The following SLC22A2 variants were observed in gnomAD, a reference collection of about 807,000 sequenced individuals.
SLC22A2 encodes solute carrier family 22 member 2, also known as organic cation transporter 2.
A neutral mutation model predicts 60.5 loss-of-function variants in SLC22A2; 46 were observed. The ratio of observed to expected loss-of-function variants is 0.76; its 90% CI spans 0.60 to 0.97. SLC22A2 has a LOEUF of 0.97. SLC22A2 is among the 50% of genes least tolerant of loss of function. SLC22A2 has a pLI of 0.00. For synonymous variants in SLC22A2, 303 were observed against 267.0 expected (o/e 1.13, Z -1.31); for missense variants, 701 against 706.6 (o/e 0.99, Z 0.09).
At chr6:160,256,149 C>A (rs1399501813) in intron 2 of SLC22A2, among the ~76,000 whole-genome samples, 1 of 152,020 alleles carries the variant, frequency 6.6e-6, no homozygotes, top group East Asian at 1.9e-4. Flanking sequence ...ATTCAGGACT[C>A]TTGCAATCCC....
chr6:160,250,483 C>A, intron 3 of SLC22A2, 65 bp downstream of exon 3: 3 of 1,525,048 alleles, frequency 2.0e-6, no homozygotes, highest in Admixed American at 1.7e-5. Context: ...TGCCGCCCCC[C>A]ACCTGACTCT....
At chr6:160,251,509 C>T (rs891779984) in intron 2 of SLC22A2, among the ~76,000 whole-genome samples, 12 of 152,140 alleles carry the variant, frequency 7.9e-5, no homozygotes, top group Admixed American at 5.9e-4. Flanking sequence ...AGCCTGCCTC[C>T]GACCCCTTCC....
At chr6:160,241,452 G>A in intron 9 of SLC22A2, 22 bp downstream of exon 9, 1 of 1,493,340 alleles carries the variant, frequency 6.7e-7, no homozygotes, top group Non-Finnish European at 9.3e-7. Context: ...TTCACTTAAA[G>A]ACATCTGTGA....
At chr6:160,230,366 G>A (rs756186879) in intron 9 of SLC22A2, among the ~76,000 whole-genome samples, 23 of 151,958 alleles carry the variant, frequency 1.5e-4, no homozygotes, top group Non-Finnish European at 2.6e-4. Context: ...AAATCAGTTA[G>A]CATTTAGGCT....
chr6:160,253,616 G>T (rs1783222236), intron 2 of SLC22A2, among the ~76,000 whole-genome samples: 1 of 152,148 alleles, frequency 6.6e-6, no homozygotes, highest in African/African-American at 2.4e-5. Context: ...AAGAGCTAAT[G>T]ATCAGACTTA....
chr6:160,243,474 T>G, intron 7 of SLC22A2, 98 bp downstream of exon 7: 2 of 956,032 alleles, frequency 2.1e-6, no homozygotes, highest in Non-Finnish European at 3.3e-6. Context: ...TCCAAATTGA[T>G]TTGGATGACA....
chr6:160,222,899 A>C (rs1782665698), intron 10 of SLC22A2, among the ~76,000 whole-genome samples: 1 of 152,216 alleles, frequency 6.6e-6, no homozygotes, highest in Non-Finnish European at 1.5e-5. Context: ...GGAATTTCCC[A>C]CTTTAAAAAA....
At chr6:160,224,889 C>CTT (rs3219197) in intron 9 of SLC22A2, 85 bp from the exon 10 acceptor site, 754 of 582,864 alleles carry the variant, frequency 1.3e-3, no homozygotes, top group African/African-American at 5.9e-3. Flanking sequence ...TTGTTTAAAA[C>CTT]TTTTTTTTAG....
At position 160,256,697 on chromosome 6, in the gene SLC22A2, G is replaced by T. The variant is rs781065743; in HGVS notation, c.435C>A (p.Asn145Lys). The change falls in exon 2 of 11, where the codon AAC (asparagine) becomes AAA (lysine). Residue 145 changes from asparagine to lysine, a missense_variant. Transcript: ENST00000366953. ...IVTEFNLVCA[N>K]SWMLDLFQSS... ...ACTGGAATAGGTCCAACATCCAGGA[G>T]TTGGCACATACCAGGTTAAACTGCC... 3 of 1,613,814 alleles carry T rather than the reference G, an allele frequency of 1.9e-6. No individual in the cohort carries two copies. In the South Asian group the frequency reaches 3.3e-5, roughly 18 times the overall value.
chr6:160,240,787 C>A (rs1012613504), intron 9 of SLC22A2, among the ~76,000 whole-genome samples: 1 of 152,122 alleles, frequency 6.6e-6, no homozygotes, highest in Non-Finnish European at 1.5e-5. Flanking sequence ...CAATTAAAAG[C>A]AGCTCAGAAT....
intron 4 of SLC22A2, 97 bp from the exon 5 acceptor site, chr6:160,247,395 A>G: frequency 4.3e-6 from 3 of 700,656 alleles, no homozygotes; most frequent in Non-Finnish European, 7.7e-6. Context: ...ATGTTAATAC[A>G]GTTGGATCTC....
rs148372984 is a variant in SLC22A2 at position 160,238,486 on chromosome 6, C to A, written c.1501+2988G>T. The stretch of plus-strand genomic sequence containing the variant: ...CCATTCGTTTGGCATTTTATATTTG[C>A]AAAGACAGGCCTAGTTAACCAGAAT... On this transcript the variant is annotated intron_variant, in intron 9 of 10. Coordinates refer to ENST00000366953, the MANE Select transcript of SLC22A2 (RefSeq NM_003058.4). Among the ~76,000 whole-genome samples the A allele has an allele frequency of 2.1e-3, 323 of 152,254 alleles. 3 individuals carry two copies. Among genetic ancestry groups the A allele is most frequent in the African/African-American group, 7.3e-3 (304 of 41,544 alleles).
At chr6:160,243,326 A>G (rs1783040892) in intron 7 of SLC22A2, among the ~76,000 whole-genome samples, 1 of 151,940 alleles carries the variant, frequency 6.6e-6, no homozygotes, top group South Asian at 2.1e-4. Flanking sequence ...GGTCATCTTG[A>G]TGGCCTGTAG....
In SLC22A2 at chr6:160,241,770, A is replaced by G. The variant is rs184128196; in HGVS notation, c.1389-184T>C. On this transcript the variant is annotated intron_variant, in intron 8 of 10. Transcript: ENST00000366953. Reference sequence around the variant, plus strand: ...CACTGAAGAACTTATTCATACAACCATATACCACCTGTTTCCCAGAAACCT... The same window carrying G: ...CACTGAAGAACTTATTCATACAACCGTATACCACCTGTTTCCCAGAAACCT... Among the ~76,000 whole-genome samples, 233 of 151,756 alleles carry G rather than the reference A, an allele frequency of 1.5e-3. 2 individuals are homozygous for G. Among genetic ancestry groups the G allele is most frequent in the African/African-American group, 5.3e-3 (219 of 41,444 alleles).
At chr6:160,239,776 G>A (rs1327695204) in intron 9 of SLC22A2, among the ~76,000 whole-genome samples, 1 of 152,176 alleles carries the variant, frequency 6.6e-6, no homozygotes, top group African/African-American at 2.4e-5. Flanking sequence ...AGTTATCTCA[G>A]GATAAAGAGC....
Position 160,229,067 on chromosome 6 carries a change from C to T in SLC22A2, c.1502-4263G>A, listed in dbSNP as rs114241570. On this transcript the variant is annotated intron_variant, in intron 9 of 10. Transcript: ENST00000366953. ...ACCAGTGAAATTTGGTTCCGTGACT[C>T]GGATCAGGGGACCTCTCTTGGGAGA... 1.1e-3 allele frequency among the ~76,000 whole-genome samples: 163 copies of T among 152,000 alleles called. 5 individuals are homozygous for T. Among genetic ancestry groups the T allele is most frequent in the African/African-American group, 3.7e-3 (153 of 41,290 alleles).
Position 160,258,505 on chromosome 6 carries a change from A to C in SLC22A2, c.253T>G (p.Ser85Ala). ...TCGTAGCGCCTACACTGTCTTGGGG[A>C]GGCTTCGCCCGCAGGTCCTGGGCCC... ...VPGPGPAGEA[S>A]PRQCRRYEVD... The change falls in exon 1 of 11, where the codon TCC becomes GCC. Residue 85 changes from serine (S) to alanine (A), a missense_variant. Physicochemically the swap from Ser to Ala is moderately conservative, Grantham distance 99. Coordinates refer to ENST00000366953, the MANE Select transcript of SLC22A2 (RefSeq NM_003058.4). 1.9e-6 allele frequency: 3 copies of C among 1,614,042 alleles called. No individual in the cohort carries two copies. The highest frequency in any genetic ancestry group is 2.5e-6 in the Non-Finnish European group (3 of 1,179,980).
At chr6:160,233,498 C>T (rs1396423828) in intron 9 of SLC22A2, among the ~76,000 whole-genome samples, 1 of 151,886 alleles carries the variant, frequency 6.6e-6, no homozygotes, top group African/African-American at 2.4e-5. Context: ...AAAAAAAGGA[C>T]TCTGTCAAGA....
At chr6:160,224,864 G>C (rs762758565) in intron 9 of SLC22A2, 60 bp from the exon 10 acceptor site, 33 of 987,410 alleles carry the variant, frequency 3.3e-5, no homozygotes, top group Non-Finnish European at 4.7e-5. Flanking sequence ...TCTATAATTA[G>C]AGTTTCCCTT....
Sources: gnomAD v4.1 joint callset for allele counts (sites outside exome capture counted in the v4.1 genomes callset) on GRCh38, gnomAD v4.1.1 for gene constraint, MANE v1.5 for transcripts, NCBI Gene and HGNC (gene_info 2026-07-23, HGNC 2026-07-21) for gene names.